INTS6: variants seen among roughly 807,000 people sequenced by gnomAD.
The protein encoded by INTS6 is DEAD box protein.
In INTS6, 16 loss-of-function variants were observed where a neutral mutation model predicts 104.9. The observed-to-expected ratio is 0.15, with a 90% CI of 0.10 to 0.23. The LOEUF (loss-of-function observed/expected upper bound fraction) is 0.23. Among genes scored for constraint, INTS6 ranks in the 10% least tolerant of loss-of-function variants. The pLI is 1.00. For missense variants in INTS6, 584 were observed against 1,062.8 expected (o/e 0.55, Z 6.26); for synonymous variants, 324 against 358.7 (o/e 0.90, Z 1.09).
chr13:51,387,601 GTTAAATTATATCAATTATTAC>G (rs1272327155), intron 6 of INTS6, 61 bp from the exon 7 acceptor site: 65 of 1,256,588 alleles, frequency 5.2e-5, no homozygotes, highest in Middle Eastern at 2.0e-4. Flanking sequence ...AGCATAAAAA[GTTAAATTATATCAATTATTAC>G]TTAAATTAAT....
intron 4 of INTS6, among the ~76,000 whole-genome samples, chr13:51,407,473 A>G (rs1253324759): frequency 1.3e-5 from 2 of 152,204 alleles, no homozygotes; most frequent in African/African-American, 2.4e-5. Context: ...AGCTAACACA[A>G]TCATTTAAAA....
At chr13:51,395,662 T>C (rs529737588) in intron 4 of INTS6, among the ~76,000 whole-genome samples, 179 bp from the exon 5 acceptor site, 10 of 152,362 alleles carry the variant, frequency 6.6e-5, no homozygotes, top group African/African-American at 2.4e-4. Flanking sequence ...CTGTTTAATT[T>C]TCTTAAACTT....
intron 6 of INTS6, 92 bp from the exon 7 acceptor site, chr13:51,387,632 TA>T: frequency 1.0e-6 from 1 of 982,832 alleles, no homozygotes. Flanking sequence ...CTTAAATTAA[TA>T]AAAAATTCCT....
At chr13:51,435,259 G>A (rs2138118722) in intron 3 of INTS6, among the ~76,000 whole-genome samples, 2 of 152,074 alleles carry the variant, frequency 1.3e-5, no homozygotes, top group Middle Eastern at 6.8e-3. Flanking sequence ...CTGTCATAAA[G>A]AAATCCAAAC....
intron 4 of INTS6, among the ~76,000 whole-genome samples, chr13:51,413,687 A>G (rs910145174): frequency 6.6e-6 from 1 of 152,176 alleles, no homozygotes; most frequent in Non-Finnish European, 1.5e-5. Context: ...AGAAAAAAAT[A>G]TTTCCTAGCT....
chr13:51,421,869 C>T (rs1956902261), intron 4 of INTS6, among the ~76,000 whole-genome samples: 1 of 152,160 alleles, frequency 6.6e-6, no homozygotes. Flanking sequence ...CACACACACA[C>T]TGCTCTTAAC....
the INTS6 span, among the ~76,000 whole-genome samples, chr13:51,336,442 G>A: frequency 6.6e-6 from 1 of 152,098 alleles, no homozygotes; most frequent in Non-Finnish European, 1.5e-5. Context: ...AGCCGAGGTC[G>A]TGCCACCGCA....
intron 5 of INTS6, 119 bp from the exon 6 acceptor site, chr13:51,389,563 C>T (rs1347890969): frequency 1.1e-6 from 1 of 900,128 alleles, no homozygotes; most frequent in African/African-American, 1.7e-5. Flanking sequence ...TACTAATTAA[C>T]AAAAGTTCAA....
chr13:51,366,894 A>C (rs1396467743), intron 17 of INTS6, among the ~76,000 whole-genome samples: 1 of 152,034 alleles, frequency 6.6e-6, no homozygotes, highest in Non-Finnish European at 1.5e-5. Context: ...TTCTTATAAT[A>C]CTAAAATCCC....
rs755318478 is a variant in INTS6 at position 51,385,835 on chromosome 13, A to G, written c.894+1551T>C. Among the ~76,000 whole-genome samples the G allele has an allele frequency of 3.3e-5, 5 of 152,278 alleles. No individual in the cohort carries two copies. The East Asian group carries it at 9.6e-4, about 29-fold the overall frequency. On this transcript the variant is annotated intron_variant, in intron 7 of 17. Coordinates refer to ENST00000311234, the MANE Select transcript of INTS6 (RefSeq NM_012141.3). ...CCACTTAAAATCTCTTACGTGAACC[A>G]TATCAATAGCCCTCATAGGTAACCT...
At chr13:51,348,401 T>C in the INTS6 span, 10 of 1,613,382 alleles carry the variant, frequency 6.2e-6, no homozygotes, top group Non-Finnish European at 7.6e-6. Flanking sequence ...GATGGATGTG[T>C]TCCTGCCCAG....
At chr13:51,427,811 T>G (rs1172570422) in intron 4 of INTS6, among the ~76,000 whole-genome samples, 4 of 152,326 alleles carry the variant, frequency 2.6e-5, no homozygotes, top group African/African-American at 9.6e-5. Context: ...TTGTCAATAC[T>G]ATGCTAGTAT....
intron 4 of INTS6, among the ~76,000 whole-genome samples, chr13:51,426,179 T>A (rs368287249): frequency 1.3e-5 from 2 of 152,122 alleles, no homozygotes; most frequent in African/African-American, 4.8e-5. Context: ...ATTCATAATG[T>A]ATCTATTACT....
chr13:51,417,915 T>C (rs747685772), intron 4 of INTS6, among the ~76,000 whole-genome samples: 1 of 152,168 alleles, frequency 6.6e-6, no homozygotes, highest in Non-Finnish European at 1.5e-5. Flanking sequence ...TTTCTTTTAA[T>C]CCCACACTAG....
intron 3 of INTS6, chr13:51,449,434 CA>C: frequency 1.0e-6 from 1 of 978,046 alleles, no homozygotes. Flanking sequence ...GTTTAAATTA[CA>C]AATGTCCTCA....
intron 5 of INTS6, among the ~76,000 whole-genome samples, chr13:51,392,727 T>C (rs1956265605): frequency 6.6e-6 from 1 of 152,220 alleles, no homozygotes; most frequent in South Asian, 2.1e-4. Context: ...AGCACCCTAC[T>C]ATCTACTACA....
intron 4 of INTS6, among the ~76,000 whole-genome samples, chr13:51,416,034 A>G (rs1356159018): frequency 6.6e-6 from 1 of 152,244 alleles, no homozygotes; most frequent in Non-Finnish European, 1.5e-5. Flanking sequence ...CTGGCAAAAC[A>G]TCATGAAAGA....
downstream of INTS6, among the ~76,000 whole-genome samples, chr13:51,353,268 A>G (rs1168288115): frequency 6.6e-6 from 1 of 152,248 alleles, no homozygotes; most frequent in African/African-American, 2.4e-5. Context: ...AGTTTCAAAT[A>G]GCCCTTAATT....
chr13:51,406,630 T>C (rs1398833023), intron 4 of INTS6, among the ~76,000 whole-genome samples: 2 of 152,128 alleles, frequency 1.3e-5, no homozygotes, highest in Non-Finnish European at 2.9e-5. Context: ...TTTATCTCCC[T>C]CTCCTCCACC....
Sources: gnomAD v4.1 joint callset for allele counts (sites outside exome capture counted in the v4.1 genomes callset) on GRCh38, gnomAD v4.1.1 for gene constraint, MANE v1.5 for transcripts, NCBI Gene and HGNC (gene_info 2026-07-23, HGNC 2026-07-21) for gene names.